SCRN3: variants seen among roughly 807,000 people sequenced by gnomAD.
SCRN3 encodes secernin-3.
SCRN3 carries 39 observed loss-of-function variants against 43.1 expected under a neutral mutation model. The ratio of observed to expected loss-of-function variants is 0.91; its 90% CI spans 0.70 to 1.18. SCRN3 has a LOEUF of 1.18. Ranked by LOEUF, SCRN3 falls within the 50% of genes most tolerant of loss-of-function variation. The pLI, the probability that SCRN3 is intolerant of heterozygous loss-of-function variation, is 0.00. For synonymous variants in SCRN3, 147 were observed against 163.1 expected, an observed-to-expected ratio of 0.90 and a Z score of 0.75; for missense variants, 484 against 498.0, an observed-to-expected ratio of 0.97 and a Z score of 0.27.
intron 5 of SCRN3, among the ~76,000 whole-genome samples, chr2:174,411,949 ATAAT>A (rs1313436724): frequency 6.6e-6 from 1 of 152,210 alleles, no homozygotes. Context: ...TAAAAATTAA[ATAAT>A]TAGAGTATAG....
intron 5 of SCRN3, 137 bp from the exon 6 acceptor site, chr2:174,422,748 A>G (rs780864881): frequency 7.6e-6 from 4 of 524,734 alleles, no homozygotes; most frequent in Admixed American, 3.2e-5. Flanking sequence ...TAGTTGATAC[A>G]AAGTTTGTTT....
intron 5 of SCRN3, among the ~76,000 whole-genome samples, chr2:174,405,252 C>G (rs1222988566): frequency 7.3e-5 from 6 of 81,778 alleles, no homozygotes; most frequent in African/African-American, 2.7e-4. Flanking sequence ...GCATAAATGT[C>G]TTCTTTTGAG....
chr2:174,399,936 A>G lies in SCRN3; in HGVS notation c.174A>G (p.Glu58=). 1 of 1,507,846 alleles carries G rather than the reference A, an allele frequency of 6.6e-7. No homozygotes were observed. Among genetic ancestry groups the G allele is most frequent in the Non-Finnish European group, 8.8e-7 (1 of 1,137,820 alleles). The allele number at this position is 1,507,846 out of a possible 1,614,324, so 93.4% of individuals were successfully genotyped here. A position where few individuals can be genotyped will look rare whatever the true frequency, so the allele number is the denominator to read the frequency against. ...LGERLKCTYI[E]IDQVPETYAV... is the part of the protein sequence containing the mutation. ...TTTTTTTACAGTGTACATATATAGA[A>G]ATTGATCAAGTTCCTGAAACATATG... is the stretch of plus-strand genomic sequence containing the variant. The change falls in exon 3 of 8, where the codon GAA becomes GAG. Residue 58 remains glutamate, a synonymous_variant. Transcript: ENST00000272732.
Position 174,408,338 on chromosome 2 carries a change from T to C in SCRN3, c.754+4023T>C, listed in dbSNP as rs1290369329. On this transcript the variant is annotated intron_variant, in intron 5 of 7. Transcript: ENST00000272732. The stretch of plus-strand genomic sequence containing the variant: ...GTAGATCTTCCTCCATCCTTTTATT[T>C]TGAGCCTATGTGTGTCTCTGCACGT... 2.3e-5 allele frequency among the ~76,000 whole-genome samples: 3 copies of C among 131,584 alleles called. 1 individual carries two copies. The highest frequency in any genetic ancestry group is 1.5e-4 in the Admixed American group (2 of 12,944). The allele number at this position is 131,584 out of a possible 152,430, so 86.3% of individuals were successfully genotyped here.
At chr2:174,427,483 T>C (rs1216733022) in intron 7 of SCRN3, among the ~76,000 whole-genome samples, 1 of 152,186 alleles carries the variant, frequency 6.6e-6, no homozygotes, top group Non-Finnish European at 1.5e-5. Context: ...TTATAATTGT[T>C]TTTGTCTTTT....
At chr2:174,423,443 A>G in intron 6 of SCRN3, among the ~76,000 whole-genome samples, 1 of 152,198 alleles carries the variant, frequency 6.6e-6, no homozygotes, top group East Asian at 1.9e-4. Flanking sequence ...GAAACTTAAA[A>G]TATCAATAGT....
chr2:174,414,150 G>A (rs1298954583), intron 5 of SCRN3, among the ~76,000 whole-genome samples: 1 of 152,138 alleles, frequency 6.6e-6, no homozygotes, highest in Non-Finnish European at 1.5e-5. Flanking sequence ...CAAGTTGATA[G>A]TTATCTGCGG....
intron 5 of SCRN3, among the ~76,000 whole-genome samples, chr2:174,414,036 C>A (rs1020024775): frequency 6.6e-5 from 10 of 152,096 alleles, no homozygotes; most frequent in Admixed American, 5.9e-4. Context: ...ATAAACTTAC[C>A]CTATGCTTCA....
Position 174,400,097 on chromosome 2 carries a change from T to C in SCRN3, c.335T>C (p.Leu112Pro). 1 of 1,560,634 alleles carries C rather than the reference T, an allele frequency of 6.4e-7. No individual in the cohort carries two copies. The highest frequency in any genetic ancestry group is 8.6e-7 in the Non-Finnish European group (1 of 1,159,966). The change falls in exon 3 of 8, where the codon CTT becomes CCT. Residue 112 changes from leucine to proline, a missense_variant. Transcript: ENST00000272732. The stretch of plus-strand genomic sequence containing the variant: ...GAAGAAGCACTATTAGGAATGGACC[T>C]TGTCAGGTTATTTTTTGTTACATTT... ...CDEEALLGMD[L>P]VRLGLERADT...
At chr2:174,418,097 A>G (rs1008716809) in intron 5 of SCRN3, among the ~76,000 whole-genome samples, 2 of 152,236 alleles carry the variant, frequency 1.3e-5, no homozygotes, top group African/African-American at 4.8e-5. Flanking sequence ...GAAAGAAAAA[A>G]GAAATAATTA....
chr2:174,408,413 A>T lies in SCRN3; in HGVS notation c.754+4098A>T, dbSNP rs1378695628. Among the ~76,000 whole-genome samples, 2 of 141,682 alleles carry T rather than the reference A, an allele frequency of 1.4e-5. 1 individual carries two copies. Among genetic ancestry groups the T allele is most frequent in the Non-Finnish European group, 3.2e-5 (2 of 62,518 alleles). 92.9% of individuals were successfully genotyped at this position (141,682 alleles called of 152,430 possible). Reference sequence around the variant, plus strand: ...CACTGATGGATCTTGACTCTATCCAATTTGCCAGTCTGTGTCTTTTAATTG... The same window carrying T: ...CACTGATGGATCTTGACTCTATCCATTTTGCCAGTCTGTGTCTTTTAATTG... On this transcript the variant is annotated intron_variant, in intron 5 of 7. Transcript: ENST00000272732.
intron 5 of SCRN3, among the ~76,000 whole-genome samples, chr2:174,418,517 C>G (rs914338653): frequency 4.6e-5 from 7 of 152,150 alleles, no homozygotes; most frequent in Non-Finnish European, 7.4e-5. Flanking sequence ...TTTACTGAAC[C>G]CTGCCACTGC....
chr2:174,427,210 T>C (rs1686517440), intron 7 of SCRN3, among the ~76,000 whole-genome samples: 1 of 152,222 alleles, frequency 6.6e-6, no homozygotes, highest in Non-Finnish European at 1.5e-5. Context: ...TAAAAATTAC[T>C]TCTTTCTGTA....
At chr2:174,425,507 A>G (rs989095504) in intron 7 of SCRN3, among the ~76,000 whole-genome samples, 1 of 152,096 alleles carries the variant, frequency 6.6e-6, no homozygotes, top group African/African-American at 2.4e-5. Context: ...TTCTGTCCAC[A>G]CTGAAACGGA....
Position 174,424,671 on chromosome 2 carries a change from G to A in SCRN3, c.1092+22G>A, listed in dbSNP as rs748294544. 3.2e-6 allele frequency: 5 copies of A among 1,566,160 alleles called. No individual in the cohort carries two copies. In the Admixed American group the frequency reaches 8.7e-5, roughly 27 times the overall value. ...TGAGGTATGCTAGATTATATTCTTTGTTATATCATTAAGTGTAAAGTTAGA... is the reference window on the plus strand; with the variant it reads ...TGAGGTATGCTAGATTATATTCTTTATTATATCATTAAGTGTAAAGTTAGA... On this transcript the variant is annotated intron_variant, in intron 7 of 7. Transcript: ENST00000272732.
At chr2:174,408,731 T>C (rs1685788212) in intron 5 of SCRN3, among the ~76,000 whole-genome samples, 1 of 141,676 alleles carries the variant, frequency 7.1e-6, no homozygotes, top group Non-Finnish European at 1.5e-5. Context: ...TTAGTTTGGC[T>C]GGATATGAAA....
At chr2:174,424,004 T>C (rs1686393353) in intron 6 of SCRN3, among the ~76,000 whole-genome samples, 1 of 151,752 alleles carries the variant, frequency 6.6e-6, no homozygotes, top group African/African-American at 2.4e-5. Flanking sequence ...TGCCCAAGGC[T>C]ATTCTTGAAC....
intron 4 of SCRN3, among the ~76,000 whole-genome samples, chr2:174,402,685 T>A (rs1248902395): frequency 6.6e-6 from 1 of 152,004 alleles, no homozygotes; most frequent in Non-Finnish European, 1.5e-5. Flanking sequence ...TGAGACCCTG[T>A]TGAAAGAAAA....
At chr2:174,411,140 T>A (rs1024931625) in intron 5 of SCRN3, among the ~76,000 whole-genome samples, 8 of 152,150 alleles carry the variant, frequency 5.3e-5, no homozygotes, top group African/African-American at 1.9e-4. Flanking sequence ...CAGTTTCTTG[T>A]GAGAGATTGA....
Sources: gnomAD v4.1 joint callset for allele counts (sites outside exome capture counted in the v4.1 genomes callset) on GRCh38, gnomAD v4.1.1 for gene constraint, MANE v1.5 for transcripts, NCBI Gene and HGNC (gene_info 2026-07-23, HGNC 2026-07-21) for gene names.